IQCM: variants seen among roughly 807,000 people sequenced by gnomAD.
The protein encoded by IQCM is IQ motif containing M, also known as IQ domain-containing protein M.
IQCM carries 45 observed loss-of-function variants against 57.6 expected under a neutral mutation model. The ratio of observed to expected loss-of-function variants is 0.78; its 90% CI spans 0.62 to 1.00. IQCM has a LOEUF of 1.00. Ranked by LOEUF, IQCM falls within the 50% of genes least tolerant of loss-of-function variation. The probability of loss-of-function intolerance (pLI) is 0.00; values close to 1 mark genes in which losing one functional copy is unlikely to be tolerated. For missense variants in IQCM, 468 were observed against 511.6 expected, an observed-to-expected ratio of 0.91 and a Z score of 0.82; for synonymous variants, 148 against 158.9, an observed-to-expected ratio of 0.93 and a Z score of 0.51.
At chr4:149,543,156 T>G (rs1054656657) in intron 12 of IQCM, among the ~76,000 whole-genome samples, 6 of 152,142 alleles carry the variant, frequency 3.9e-5, no homozygotes, top group African/African-American at 1.4e-4. Context: ...ATTTTTTAAT[T>G]TTATTATTAT....
intron 12 of IQCM, among the ~76,000 whole-genome samples, chr4:149,498,082 A>T (rs1426497049): frequency 6.6e-6 from 1 of 152,034 alleles, no homozygotes; most frequent in Non-Finnish European, 1.5e-5. Flanking sequence ...CCTGTACCCA[A>T]CTCCAGGTCC....
At chr4:149,405,376 C>T (rs982314734) in intron 13 of IQCM, among the ~76,000 whole-genome samples, 4 of 150,688 alleles carry the variant, frequency 2.7e-5, no homozygotes, top group African/African-American at 7.3e-5. Flanking sequence ...TAAGTAAACA[C>T]GCAAGAAGAA....
chr4:149,397,549 C>A (rs1298162114), intron 13 of IQCM, among the ~76,000 whole-genome samples: 1 of 151,982 alleles, frequency 6.6e-6, no homozygotes, highest in Non-Finnish European at 1.5e-5. Context: ...ATGTGCCTTG[C>A]TTCCCCTTTG....
At chr4:149,469,466 G>A (rs919895607) in intron 12 of IQCM, among the ~76,000 whole-genome samples, 7 of 152,174 alleles carry the variant, frequency 4.6e-5, no homozygotes, top group African/African-American at 1.7e-4. Context: ...AGAAATATGG[G>A]ACTATGTGAA....
chr4:149,369,032 A>G (rs865859873), intron 13 of IQCM, among the ~76,000 whole-genome samples: 1 of 63,060 alleles, frequency 1.6e-5, no homozygotes, highest in Admixed American at 1.5e-4. Flanking sequence ...ATATATATAC[A>G]TGTGTATATA....
At chr4:149,426,060 A>G (rs1319785155) in intron 13 of IQCM, among the ~76,000 whole-genome samples, 1 of 151,720 alleles carries the variant, frequency 6.6e-6, no homozygotes, top group Non-Finnish European at 1.5e-5. Flanking sequence ...ATTTCCCCAC[A>G]CTCCTAAGAA....
rs1191569694 is a variant in IQCM at position 149,548,458 on chromosome 4, G to T, written c.1225C>A (p.Gln409Lys). 8.1e-7 allele frequency: 1 copy of T among 1,231,798 alleles called. No homozygotes were observed. The highest frequency in any genetic ancestry group is 1.0e-6 in the Non-Finnish European group (1 of 987,846). 76.3% of individuals were successfully genotyped at this position (1,231,798 alleles called of 1,614,324 possible). Residue 409 changes from glutamine (Q) to lysine (K), a missense_variant, in exon 12 of 14, where the codon CAA (glutamine) becomes AAA (lysine). Physicochemically the swap from Gln to Lys is moderately conservative, Grantham distance 53. Coordinates refer to ENST00000636793, the MANE Select transcript of IQCM (RefSeq NM_001363507.2). ...QVDDTWDLVH[Q>K]DGKEKYSELI... ...AAAGAAATGAGAAACTACTCACCTTGATGGACCAGGTCCCAAGTATCATCA... is the reference window on the plus strand; with the variant it reads ...AAAGAAATGAGAAACTACTCACCTTTATGGACCAGGTCCCAAGTATCATCA...
intron 12 of IQCM, among the ~76,000 whole-genome samples, chr4:149,504,569 T>A (rs140449783): frequency 2.8e-4 from 42 of 151,632 alleles, no homozygotes; most frequent in African/African-American, 8.7e-4. Context: ...CTTTGGTAAG[T>A]GACTAGGTAA....
chr4:149,501,724 A>T (rs1461926126), intron 12 of IQCM, among the ~76,000 whole-genome samples: 5 of 152,166 alleles, frequency 3.3e-5, no homozygotes, highest in Admixed American at 3.3e-4. Context: ...CCGGTAACTA[A>T]CTTTGGAGAA....
At chr4:149,718,348 A>T (rs1490809685) in intron 5 of IQCM, among the ~76,000 whole-genome samples, 1 of 152,180 alleles carries the variant, frequency 6.6e-6, no homozygotes, top group African/African-American at 2.4e-5. Flanking sequence ...AGAGAAGAAA[A>T]GTAATGTCTG....
chr4:149,653,763 A>G (rs1278381572), intron 7 of IQCM, among the ~76,000 whole-genome samples: 1 of 152,152 alleles, frequency 6.6e-6, no homozygotes, highest in Non-Finnish European at 1.5e-5. Context: ...ATTTATAATT[A>G]AGATCATGGG....
chr4:149,403,625 G>A (rs1479587551), intron 13 of IQCM, among the ~76,000 whole-genome samples: 2 of 151,722 alleles, frequency 1.3e-5, no homozygotes, highest in African/African-American at 4.8e-5. Flanking sequence ...GTTCCTGTAT[G>A]AGTCTTTCAC....
intron 12 of IQCM, among the ~76,000 whole-genome samples, chr4:149,506,755 A>G (rs1250505664): frequency 6.6e-6 from 1 of 152,230 alleles, no homozygotes. Flanking sequence ...GACAGACAGC[A>G]TAGAGGAACC....
In IQCM at chr4:149,649,110, A is replaced by C. The variant is rs546257760; in HGVS notation, c.566-27866T>G. Among the ~76,000 whole-genome samples the C allele has an allele frequency of 6.6e-5, 10 of 152,192 alleles. No individual in the cohort carries two copies. In the East Asian group the frequency reaches 1.9e-3, roughly 30 times the overall value. ...AATTCATGCAAGATTGTATGTGGCCACAACTTCTAAAGGATTTTTGTCATT... is the reference window on the plus strand; with the variant it reads ...AATTCATGCAAGATTGTATGTGGCCCCAACTTCTAAAGGATTTTTGTCATT... On this transcript the variant is annotated intron_variant, in intron 7 of 13. Coordinates refer to ENST00000636793, the MANE Select transcript of IQCM (RefSeq NM_001363507.2).
chr4:149,463,071 T>C (rs1738476197), intron 12 of IQCM, among the ~76,000 whole-genome samples: 1 of 152,220 alleles, frequency 6.6e-6, no homozygotes, highest in Non-Finnish European at 1.5e-5. Flanking sequence ...TCCCAATATT[T>C]AGGGAACAGC....
intron 12 of IQCM, among the ~76,000 whole-genome samples, chr4:149,508,093 C>T (rs981073442): frequency 6.6e-6 from 1 of 151,960 alleles, no homozygotes; most frequent in African/African-American, 2.4e-5. Flanking sequence ...GTTTGGGAAC[C>T]TCTGCCTAGA....
intron 5 of IQCM, among the ~76,000 whole-genome samples, chr4:149,727,067 A>G (rs1766014334): frequency 6.6e-6 from 1 of 152,074 alleles, no homozygotes; most frequent in Non-Finnish European, 1.5e-5. Flanking sequence ...TATTATAGAA[A>G]TTAATTTTAC....
chr4:149,505,231 C>T (rs752645993), intron 12 of IQCM, among the ~76,000 whole-genome samples: 9 of 152,026 alleles, frequency 5.9e-5, no homozygotes, highest in Non-Finnish European at 1.0e-4. Flanking sequence ...CTCAAACATA[C>T]GTACGAAAGA....
intron 12 of IQCM, among the ~76,000 whole-genome samples, chr4:149,491,977 G>A (rs1233341654): frequency 6.6e-6 from 1 of 151,666 alleles, no homozygotes; most frequent in Non-Finnish European, 1.5e-5. Context: ...TATCATTGTG[G>A]TTTTTATTTT....
Sources: allele counts gnomAD v4.1 joint callset (sites outside exome capture counted in the v4.1 genomes callset), GRCh38; gene constraint gnomAD v4.1.1; transcripts MANE v1.5; gene names NCBI Gene and HGNC (gene_info 2026-07-23, HGNC 2026-07-21).